The following FOXJ1 variants were observed in gnomAD, a reference collection of about 807,000 sequenced individuals.
FOXJ1 encodes the protein forkhead box protein J1.
A neutral mutation model predicts 29.3 loss-of-function variants in FOXJ1; 8 were observed. That is an observed-to-expected ratio of 0.27 (90% CI 0.16 to 0.49). FOXJ1 has a LOEUF of 0.49. Among genes scored for constraint, FOXJ1 ranks in the 20% least tolerant of loss-of-function variants. The pLI, the probability that FOXJ1 is intolerant of heterozygous loss-of-function variation, is 0.98. For synonymous variants in FOXJ1, 280 were observed against 278.7 expected, an observed-to-expected ratio of 1.00 and a Z score of -0.05; for missense variants, 539 against 595.5, an observed-to-expected ratio of 0.91 and a Z score of 0.99.
Position 76,137,528 on chromosome 17 carries a change from T to A in FOXJ1, c.1091A>T (p.Glu364Val), listed in dbSNP as rs1485160861. 6.3e-7 allele frequency: 1 copy of A among 1,593,218 alleles called. No homozygotes were observed. ...GAAGTCCAGGCTGTCGGCAGCCTGC[T>A]CCACCGAAGGCCCCCAGGTGGCAGG... The part of the protein sequence containing the change: ...DCPATWGPSV[E>V]QAADSLDFDE... Residue 364 changes from glutamate to valine, a missense_variant, in exon 3 of 3, where the codon GAG (glutamate) becomes GTG (valine). Glu to Val is a moderately radical substitution (Grantham distance 121). This residue lies in a region of FOXJ1 where 302 missense variants were observed against 293.6 expected (regional missense o/e 1.03). Coordinates refer to ENST00000322957, the MANE Select transcript of FOXJ1 (RefSeq NM_001454.4). The surrounding 1 kb of genome is among the most constrained non-coding windows in gnomAD (Gnocchi z 9.5).
In FOXJ1 at chr17:76,137,207, G is replaced by A. The variant is rs527869598; in HGVS notation, c.*146C>T. The A allele has an allele frequency of 2.3e-5, 15 of 653,584 alleles. No individual in the cohort carries two copies. The East Asian group carries it at 4.8e-4, about 21-fold the overall frequency. The allele number at this position is 653,584 out of a possible 1,614,324, so 40.5% of individuals were successfully genotyped here. A position where few individuals can be genotyped will look rare whatever the true frequency, so the allele number is the denominator to read the frequency against. ...GGGCTTGAATCTGATGGCAGCTGGG[G>A]CTGGTGGCCATGTGGCCTCTGGGGC... On this transcript the variant is annotated 3_prime_UTR_variant, in exon 3 of 3. Transcript: ENST00000322957. The surrounding 1 kb of genome is among the most constrained non-coding windows in gnomAD (Gnocchi z 9.5).
In FOXJ1 at chr17:76,140,737, C is replaced by G. The variant is rs880212; in HGVS notation, c.-169-173G>C. The G allele has an allele frequency of 0.18, 49,587 of 268,520 alleles. 5,369 individuals carry two copies. The highest frequency in any genetic ancestry group is 0.33 in the African/African-American group (14,956 of 45,232). 16.6% of individuals were successfully genotyped at this position (268,520 alleles called of 1,614,324 possible). A position where few individuals can be genotyped will look rare whatever the true frequency, so the allele number is the denominator to read the frequency against. ...CCACCCCCATCAGATCTGCCTCCCT[C>G]TTCCTTTCCTCTTCGAGGTTTTATT... On this transcript the variant is annotated intron_variant, in intron 1 of 2. Coordinates refer to ENST00000322957, the MANE Select transcript of FOXJ1 (RefSeq NM_001454.4). This position sits in a 1 kb window ranked among gnomAD's most constrained non-coding sequence, Gnocchi z 8.0.
rs34418968 is a variant in FOXJ1, at chr17:76,138,237, A to AGG, written c.499-119_499-118dup. 113 of 1,065,698 alleles carry AGG rather than the reference A, an allele frequency of 1.1e-4. 1 individual carries two copies. Among genetic ancestry groups the AGG allele is most frequent in the Middle Eastern group, 8.2e-4 (3 of 3,660 alleles). The allele number at this position is 1,065,698 out of a possible 1,614,324, so 66.0% of individuals were successfully genotyped here. A position where few individuals can be genotyped will look rare whatever the true frequency, so the allele number is the denominator to read the frequency against. On this transcript the variant is annotated intron_variant, in intron 2 of 2. Coordinates refer to ENST00000322957, the MANE Select transcript of FOXJ1 (RefSeq NM_001454.4). ...CATCTTTTCTCTGGCAGGGGAGAGG[A>AGG]GGGGGGGACAGACACACTGGTCTGC... is the stretch of plus-strand genomic sequence containing the variant.
chr17:76,140,708 G>C lies in FOXJ1; in HGVS notation c.-169-144C>G. On this transcript the variant is annotated intron_variant, in intron 1 of 2. Transcript: ENST00000322957. This position sits in a 1 kb window ranked among gnomAD's most constrained non-coding sequence, Gnocchi z 8.0. ...ATGGGAAACAGAAGCAAGGCCCTGG[G>C]GTCCCACCCCCATCAGATCTGCCTC... The C allele has an allele frequency of 2.9e-6, 1 of 342,644 alleles. No homozygotes were observed. Among genetic ancestry groups the C allele is most frequent in the Non-Finnish European group, 5.3e-6 (1 of 190,174 alleles). 21.2% of individuals were successfully genotyped at this position (342,644 alleles called of 1,614,324 possible).
Position 76,140,368 on chromosome 17 carries a change from C to T in FOXJ1, c.28G>A (p.Gly10Arg), listed in dbSNP as rs1230284940. MAESWLRLSGAGPAEEAGPE... is the reference protein window; with the variant it reads MAESWLRLSRAGPAEEAGPE... The stretch of plus-strand genomic sequence containing the variant: ...CCGGCCTCCTCCGCCGGCCCGGCTC[C>T]CGAGAGGCGCAGCCAGCTCTCCGCC... The change falls in exon 2 of 3, where the codon GGA becomes AGA. Residue 10 changes from glycine (G) to arginine (R), a missense_variant. Transcript: ENST00000322957. This position sits in a 1 kb window ranked among gnomAD's most constrained non-coding sequence, Gnocchi z 8.0. 2 of 1,489,788 alleles carry T rather than the reference C, an allele frequency of 1.3e-6. No homozygotes were observed. Among genetic ancestry groups the T allele is most frequent in the East Asian group, 5.5e-5 (2 of 36,052 alleles). 92.3% of individuals were successfully genotyped at this position (1,489,788 alleles called of 1,614,324 possible).
chr17:76,138,233 G>A (rs1166405862), intron 2 of FOXJ1, 113 bp from the exon 3 acceptor site: 2 of 1,183,550 alleles, frequency 1.7e-6, no homozygotes, highest in Non-Finnish European at 2.4e-6. Flanking sequence ...TGGCAGGGGA[G>A]AGGAGGGGGG....
At position 76,137,671 on chromosome 17, in the gene FOXJ1, G is replaced by A. The variant is rs768614679; in HGVS notation, c.948C>T (p.Asp316=). 3 of 1,612,280 alleles carry A rather than the reference G, an allele frequency of 1.9e-6. No homozygotes were observed. The highest frequency in any genetic ancestry group is 1.1e-5 in the South Asian group (1 of 90,966). ...CCAGCTCCCCGCCCAGAGTGCCGGC[G>A]TCGAAGATGGCCTCCCAGTCAAAGT... ...KGNFDWEAIF[D]AGTLGGELGA... is the part of the protein sequence containing the mutation. The change falls in exon 3 of 3, where the codon GAC becomes GAT. Residue 316 remains aspartate, a synonymous_variant. Coordinates refer to ENST00000322957, the MANE Select transcript of FOXJ1 (RefSeq NM_001454.4). This position sits in a 1 kb window ranked among gnomAD's most constrained non-coding sequence, Gnocchi z 9.5.
At chr17:76,138,798 G>A (rs560994744) in intron 2 of FOXJ1, among the ~76,000 whole-genome samples, 51 of 152,272 alleles carry the variant, frequency 3.3e-4, no homozygotes, top group Non-Finnish European at 5.7e-4. Context: ...TGGGGCTGAG[G>A]GTCTCTGCTT....
At position 76,136,717 on chromosome 17, in the gene FOXJ1, G is replaced by C. The variant is rs1451689251; in HGVS notation, c.*636C>G. 1 of 151,590 alleles carries C rather than the reference G, an allele frequency of 6.6e-6. No homozygotes were observed. Among genetic ancestry groups the C allele is most frequent in the Admixed American group, 6.6e-5 (1 of 15,214 alleles). 9.4% of individuals were successfully genotyped at this position (151,590 alleles called of 1,614,324 possible). On this transcript the variant is annotated 3_prime_UTR_variant, in exon 3 of 3. Transcript: ENST00000322957. The surrounding 1 kb of genome is among the most constrained non-coding windows in gnomAD (Gnocchi z 4.9). Reference sequence around the variant, plus strand: ...ATTTACGTCCCCTCCCCGCCCCCTAGGGATGGGGCCAGGCAAAGACCCCAG... The same window carrying C: ...ATTTACGTCCCCTCCCCGCCCCCTACGGATGGGGCCAGGCAAAGACCCCAG...
chr17:76,139,483 C>T lies in FOXJ1; in HGVS notation c.498+415G>A, dbSNP rs1042538112. 2.6e-5 allele frequency among the ~76,000 whole-genome samples: 4 copies of T among 152,204 alleles called. No individual in the cohort carries two copies. The highest frequency in any genetic ancestry group is 5.9e-5 in the Non-Finnish European group (4 of 68,030). ...CACGTTCCAGTTTCCGTTTCTGACT[C>T]CCGGCCCCGACAAACCATCCCGGGG... is the stretch of plus-strand genomic sequence containing the variant. On this transcript the variant is annotated intron_variant, in intron 2 of 2. Coordinates refer to ENST00000322957, the MANE Select transcript of FOXJ1 (RefSeq NM_001454.4). This position sits in a 1 kb window ranked among gnomAD's most constrained non-coding sequence, Gnocchi z 6.6.
At position 76,137,870 on chromosome 17, in the gene FOXJ1, A is replaced by G. The variant is rs751848801; in HGVS notation, c.749T>C (p.Leu250Pro). ...PLTVNTEAQQLLREFEEATGE... is the reference protein window; with the variant it reads ...PLTVNTEAQQPLREFEEATGE... Reference sequence around the variant, plus strand: ...GGTGGCCTCCTCGAACTCCCGCAGCAGCTGCTGGGCCTCGGTATTCACCGT... The same window carrying G: ...GGTGGCCTCCTCGAACTCCCGCAGCGGCTGCTGGGCCTCGGTATTCACCGT... Residue 250 changes from leucine (L) to proline (P), a missense_variant, in exon 3 of 3, where the codon CTG (leucine) becomes CCG (proline). Physicochemically the swap from Leu to Pro is moderately conservative, Grantham distance 98. This residue lies in a region of FOXJ1 where 302 missense variants were observed against 293.6 expected (regional missense o/e 1.03). Transcript: ENST00000322957. The surrounding 1 kb of genome is among the most constrained non-coding windows in gnomAD (Gnocchi z 9.5). 1 of 1,585,110 alleles carries G rather than the reference A, an allele frequency of 6.3e-7. No individual in the cohort carries two copies. Among genetic ancestry groups the G allele is most frequent in the East Asian group, 2.3e-5 (1 of 43,844 alleles).
At position 76,140,528 on chromosome 17, in the gene FOXJ1, A is replaced by AC; in HGVS notation, c.-134dup. Reference sequence around the variant, plus strand: ...CCCGGACGCGCGCTTCCATCTCGCGACCCCGGGGGCGCCTCCTCCGAATAA... The same window carrying AC: ...CCCGGACGCGCGCTTCCATCTCGCGACCCCCGGGGGCGCCTCCTCCGAATAA... On this transcript the variant is annotated 5_prime_UTR_variant, in exon 2 of 3. Coordinates refer to ENST00000322957, the MANE Select transcript of FOXJ1 (RefSeq NM_001454.4). This position sits in a 1 kb window ranked among gnomAD's most constrained non-coding sequence, Gnocchi z 8.0. 2 of 666,840 alleles carry AC rather than the reference A, an allele frequency of 3.0e-6. No individual in the cohort carries two copies. The highest frequency in any genetic ancestry group is 3.2e-5 in the South Asian group (1 of 30,822). 41.3% of individuals were successfully genotyped at this position (666,840 alleles called of 1,614,324 possible).
chr17:76,138,140 AAG>A lies in FOXJ1; in HGVS notation c.499-22_499-21del, dbSNP rs1171726223. 2.5e-6 allele frequency: 4 copies of A among 1,612,674 alleles called. No individual in the cohort carries two copies. The highest frequency in any genetic ancestry group is 1.3e-5 in the African/African-American group (1 of 74,902). ...TGAATTCTGGGTGCAGGGAGAGAGC[AAG>A]AGAGAGAGGAACCGCTAGGTCAGTG... On this transcript the variant is annotated intron_variant, in intron 2 of 2. Transcript: ENST00000322957.
chr17:76,137,538 GC>G lies in FOXJ1; in HGVS notation c.1080del (p.Pro361LeufsTer92). Reference protein sequence around the residue: ...GRHIDCPATWGPSVEQAADSL... With the variant: ...GRHIDCPATWXPSVEQAADSL... ...CTGTCGGCAGCCTGCTCCACCGAAG[GC>G]CCCCAGGTGGCAGGGCAGTCGATGT... is the stretch of plus-strand genomic sequence containing the variant. On this transcript the variant is annotated frameshift_variant, in exon 3 of 3. Transcript: ENST00000322957. LOFTEE classifies it high-confidence loss of function. The surrounding 1 kb of genome is among the most constrained non-coding windows in gnomAD (Gnocchi z 9.5). 1 of 1,596,102 alleles carries G rather than the reference GC, an allele frequency of 6.3e-7. No individual in the cohort carries two copies. The highest frequency in any genetic ancestry group is 1.1e-5 in the South Asian group (1 of 88,478).
Position 76,139,974 on chromosome 17 carries a change from T to C in FOXJ1, c.422A>G (p.Lys141Arg). The C allele has an allele frequency of 6.2e-7, 1 of 1,613,716 alleles. No homozygotes were observed. Among genetic ancestry groups the C allele is most frequent in the Non-Finnish European group, 8.5e-7 (1 of 1,179,870 alleles). The change falls in exon 2 of 3, where the codon AAG becomes AGG. Residue 141 changes from lysine (K) to arginine (R), a missense_variant. Transcript: ENST00000322957. This position sits in a 1 kb window ranked among gnomAD's most constrained non-coding sequence, Gnocchi z 6.6. ...CMAMQASKAT[K>R]ITLSAIYKWI... ...CTTGTAGATGGCCGACAGGGTGATC[T>C]TGGTGGCCTTGCTGGCCTGCATGGC... is the stretch of plus-strand genomic sequence containing the variant.
Position 76,139,754 on chromosome 17 carries a change from G to C in FOXJ1, c.498+144C>G. ...CAAAGGAGGGGCAGTTGCAAGAACT[G>C]GGCTCCTTTGCAGGGCTCCCTTCTG... On this transcript the variant is annotated intron_variant, in intron 2 of 2. Coordinates refer to ENST00000322957, the MANE Select transcript of FOXJ1 (RefSeq NM_001454.4). This position sits in a 1 kb window ranked among gnomAD's most constrained non-coding sequence, Gnocchi z 6.6. 1.3e-6 allele frequency: 1 copy of C among 776,466 alleles called. No homozygotes were observed. The highest frequency in any genetic ancestry group is 1.8e-5 in the South Asian group (1 of 56,104). 48.1% of individuals were successfully genotyped at this position (776,466 alleles called of 1,614,324 possible). A position where few individuals can be genotyped will look rare whatever the true frequency, so the allele number is the denominator to read the frequency against.
rs1214715652 is a variant in FOXJ1 at position 76,139,336 on chromosome 17, C to T, written c.498+562G>A. ...GGCTGGGACAGCAGCTTTAGGAAGG[C>T]CCCTTACCCCCTCCACCCTCCATTG... On this transcript the variant is annotated intron_variant, in intron 2 of 2. Coordinates refer to ENST00000322957, the MANE Select transcript of FOXJ1 (RefSeq NM_001454.4). The surrounding 1 kb of genome is among the most constrained non-coding windows in gnomAD (Gnocchi z 6.6). 6.6e-6 allele frequency among the ~76,000 whole-genome samples: 1 copy of T among 152,168 alleles called. No individual in the cohort carries two copies. Among genetic ancestry groups the T allele is most frequent in the Admixed American group, 6.5e-5 (1 of 15,282 alleles).
At position 76,140,339 on chromosome 17, in the gene FOXJ1, C is replaced by G. The variant is rs1455166801; in HGVS notation, c.57G>C (p.Pro19=). The G allele has an allele frequency of 3.3e-6, 5 of 1,497,186 alleles. No individual in the cohort carries two copies. The highest frequency in any genetic ancestry group is 4.4e-6 in the Non-Finnish European group (5 of 1,130,246). The allele number at this position is 1,497,186 out of a possible 1,614,324, so 92.7% of individuals were successfully genotyped here. The change falls in exon 2 of 3, where the codon CCG becomes CCC. Residue 19 remains proline (P), a synonymous_variant. Transcript: ENST00000322957. This position sits in a 1 kb window ranked among gnomAD's most constrained non-coding sequence, Gnocchi z 8.0. ...SGAGPAEEAG[P]EGGLEEPDAL... ...CGTCGGGCTCCTCCAGGCCGCCCTC[C>G]GGCCCGGCCTCCTCCGCCGGCCCGG...
rs2144761349 is a variant in FOXJ1, at chr17:76,137,308, A to G, written c.*45T>C. The G allele has an allele frequency of 7.0e-7, 1 of 1,425,488 alleles. No homozygotes were observed. The highest frequency in any genetic ancestry group is 1.4e-5 in the African/African-American group (1 of 69,434). The allele number at this position is 1,425,488 out of a possible 1,614,324, so 88.3% of individuals were successfully genotyped here. A position where few individuals can be genotyped will look rare whatever the true frequency, so the allele number is the denominator to read the frequency against. On this transcript the variant is annotated 3_prime_UTR_variant, in exon 3 of 3. Transcript: ENST00000322957. This position sits in a 1 kb window ranked among gnomAD's most constrained non-coding sequence, Gnocchi z 9.5. ...GACCTGTGTTGGGGGGCAGTTCTGG[A>G]CCCTGACTTGGGCACTGTCCAGAGG...
Sources: allele counts gnomAD v4.1 joint callset (sites outside exome capture counted in the v4.1 genomes callset), GRCh38; gene constraint gnomAD v4.1.1; regional missense constraint gnomAD v4.1.1; non-coding constraint Gnocchi (gnomAD v3.1); transcripts MANE v1.5; gene names NCBI Gene and HGNC (gene_info 2026-07-23, HGNC 2026-07-21).